Variants in KIAA1217 observed in about 807,000 individuals in gnomAD.
KIAA1217 encodes KIAA1217.
In KIAA1217, 88 loss-of-function variants were observed where a neutral mutation model predicts 163.9. That is an observed-to-expected ratio of 0.54 (90% CI 0.45 to 0.64). The LOEUF (loss-of-function observed/expected upper bound fraction) is 0.64. KIAA1217 is among the 30% of genes least tolerant of loss of function. The pLI is 0.00. For synonymous variants in KIAA1217, 903 were observed against 923.1 expected (o/e 0.98, Z 0.39); for missense variants, 2,372 against 2,475.0 (o/e 0.96, Z 0.88).
chr10:23,908,621 T>C (rs1370590280), intron 1 of KIAA1217, among the ~76,000 whole-genome samples: 5 of 152,126 alleles, frequency 3.3e-5, no homozygotes, highest in African/African-American at 9.7e-5. Flanking sequence ...GAACTCACAG[T>C]CCAGCAGGAC....
chr10:24,119,755 T>G (rs2063204546), intron 2 of KIAA1217, among the ~76,000 whole-genome samples: 1 of 152,200 alleles, frequency 6.6e-6, no homozygotes. Flanking sequence ...TAAAGTTTGC[T>G]ATTGGAGGGG....
intron 2 of KIAA1217, among the ~76,000 whole-genome samples, chr10:24,138,596 CTTAG>C (rs10568503): frequency 0.023 from 3,300 of 145,720 alleles, 113 homozygotes; most frequent in African/African-American, 0.073. Flanking sequence ...ATATAATCGA[CTTAG>C]TTAATTTCCT....
Position 24,234,382 on chromosome 10 carries a change from G to A in KIAA1217, c.354+14473G>A, listed in dbSNP as rs1291544988. 2.6e-5 allele frequency among the ~76,000 whole-genome samples: 4 copies of A among 151,768 alleles called. No individual in the cohort carries two copies. The East Asian group carries it at 5.8e-4, about 22-fold the overall frequency. Reference sequence around the variant, plus strand: ...ATTAGAAACTACATACATATATATCGGCCGGGTGCGGTGGCTCATGCCTGT... The same window carrying A: ...ATTAGAAACTACATACATATATATCAGCCGGGTGCGGTGGCTCATGCCTGT... On this transcript the variant is annotated intron_variant, in intron 2 of 20. Transcript: ENST00000376454.
intron 1 of KIAA1217, among the ~76,000 whole-genome samples, chr10:23,935,962 A>C (rs12262590): frequency 6.6e-6 from 1 of 152,200 alleles, no homozygotes; most frequent in African/African-American, 2.4e-5. Context: ...ATTACAAAAG[A>C]GACTGCAAGG....
chr10:24,109,929 G>A (rs1325257739), intron 2 of KIAA1217, among the ~76,000 whole-genome samples: 2 of 152,220 alleles, frequency 1.3e-5, no homozygotes, highest in Non-Finnish European at 2.9e-5. Context: ...GCAGTGGCAC[G>A]ATCACTGCTC....
At chr10:24,174,986 C>T (rs928079952) in intron 2 of KIAA1217, among the ~76,000 whole-genome samples, 1 of 151,530 alleles carries the variant, frequency 6.6e-6, no homozygotes, top group Non-Finnish European at 1.5e-5. Flanking sequence ...GCCTTCCAAG[C>T]AGATGGATTA....
intron 1 of KIAA1217, among the ~76,000 whole-genome samples, chr10:23,971,260 G>C (rs1186875251): frequency 6.6e-6 from 1 of 152,220 alleles, no homozygotes; most frequent in African/African-American, 2.4e-5. Flanking sequence ...TCATTTGCCA[G>C]TTAAACTCCA....
At chr10:23,986,557 TTA>T (rs1182323560) in intron 1 of KIAA1217, among the ~76,000 whole-genome samples, 1 of 152,174 alleles carries the variant, frequency 6.6e-6, no homozygotes, top group African/African-American at 2.4e-5. Flanking sequence ...TGTATTATTT[TTA>T]TGACTGTACT....
At chr10:23,996,945 T>C (rs1344815121) in intron 1 of KIAA1217, among the ~76,000 whole-genome samples, 2 of 152,170 alleles carry the variant, frequency 1.3e-5, no homozygotes. Flanking sequence ...AGCATCCCAG[T>C]ATTTTAAAAT....
Position 24,042,809 on chromosome 10 carries a change from T to C in KIAA1217, c.-171+35435T>C, listed in dbSNP as rs1257365854. Among the ~76,000 whole-genome samples the C allele has an allele frequency of 7.9e-5, 12 of 152,310 alleles. No homozygotes were observed. In the East Asian group the frequency reaches 2.1e-3, roughly 27 times the overall value. ...GTAGCCTTTCATAATCCAATCATAT[T>C]CAAAGTTTCTTACCCTTTACCTATA... On this transcript the variant is annotated intron_variant, in intron 2 of 18. Coordinates refer to the KIAA1217 transcript ENST00000376462.
intron 1 of KIAA1217, among the ~76,000 whole-genome samples, chr10:23,922,317 C>A (rs144210193): frequency 6.6e-6 from 1 of 152,122 alleles, no homozygotes; most frequent in Non-Finnish European, 1.5e-5. Flanking sequence ...CTCATCTGAC[C>A]GTTCATTTGT....
At chr10:24,159,789 A>T (rs2065039299) in intron 2 of KIAA1217, among the ~76,000 whole-genome samples, 1 of 152,192 alleles carries the variant, frequency 6.6e-6, no homozygotes, top group Non-Finnish European at 1.5e-5. Context: ...TCTCAAAAAA[A>T]AAAATAGTTT....
At chr10:23,762,574 A>G (rs1834314476) in intron 1 of KIAA1217, among the ~76,000 whole-genome samples, 1 of 152,224 alleles carries the variant, frequency 6.6e-6, no homozygotes, top group Non-Finnish European at 1.5e-5. Context: ...ACATCTCTTC[A>G]TGTTAAAAAC....
chr10:24,240,192 G>A (rs1590151074), intron 2 of KIAA1217, among the ~76,000 whole-genome samples: 2 of 152,164 alleles, frequency 1.3e-5, no homozygotes, highest in Admixed American at 1.3e-4. Context: ...AGCTGAAAGG[G>A]GTTAGTTCAG....
chr10:24,283,322 A>AGAT (rs971725058), intron 2 of KIAA1217, among the ~76,000 whole-genome samples: 2 of 152,304 alleles, frequency 1.3e-5, no homozygotes, highest in Admixed American at 1.3e-4. Context: ...TATGCATTTA[A>AGAT]GATTCGTCCA....
At chr10:24,085,552 C>T (rs917495524) in intron 2 of KIAA1217, among the ~76,000 whole-genome samples, 5 of 152,146 alleles carry the variant, frequency 3.3e-5, no homozygotes, top group Admixed American at 3.3e-4. Flanking sequence ...TGTGTCTGCC[C>T]TGCTACTCTG....
At chr10:24,082,989 A>C (rs891344049) in intron 2 of KIAA1217, among the ~76,000 whole-genome samples, 2 of 152,114 alleles carry the variant, frequency 1.3e-5, no homozygotes, top group Non-Finnish European at 2.9e-5. Context: ...CATTTCTCTG[A>C]TGATCAGTGA....
intron 1 of KIAA1217, among the ~76,000 whole-genome samples, chr10:23,940,460 CAAAAAAAAAAAAA>C (rs760090400): frequency 4.3e-5 from 2 of 46,028 alleles, no homozygotes; most frequent in Non-Finnish European, 9.6e-5. Flanking sequence ...GACTCCGTCT[CAAAAAAAAAAAAA>C]AAAAAAAAAA....
chr10:24,219,332 G>A (rs961218232), intron 1 of KIAA1217, among the ~76,000 whole-genome samples: 5 of 151,932 alleles, frequency 3.3e-5, no homozygotes, highest in Non-Finnish European at 7.4e-5. Context: ...GGCTGGTCTC[G>A]AACTCTTGGG....
Sources: allele counts gnomAD v4.1 joint callset (sites outside exome capture counted in the v4.1 genomes callset), GRCh38; gene constraint gnomAD v4.1.1; transcripts MANE v1.5; gene names NCBI Gene and HGNC (gene_info 2026-07-23, HGNC 2026-07-21).